EMP1: variants seen among roughly 807,000 people sequenced by gnomAD.
EMP1 encodes epithelial membrane protein 1.
Under a neutral mutation model 15.7 loss-of-function variants are expected in EMP1, and 5 were observed. The observed-to-expected ratio is 0.32, with a 90% CI of 0.17 to 0.67. The LOEUF is 0.67. Ranked by LOEUF, EMP1 falls within the 30% of genes least tolerant of loss-of-function variation. EMP1 has a pLI of 0.74. For missense variants in EMP1, 166 were observed against 194.2 expected, an observed-to-expected ratio of 0.85 and a Z score of 0.86; for synonymous variants, 78 against 76.7, an observed-to-expected ratio of 1.02 and a Z score of -0.09.
chr12:13,199,067 C>G (rs1239598278), intron 1 of EMP1: 1 of 152,350 alleles, frequency 6.6e-6, no homozygotes, highest in Admixed American at 6.5e-5. Flanking sequence ...GGTCAGAGGG[C>G]CCCCCACATT....
In EMP1 at chr12:13,215,920, G is replaced by C. The variant is rs1864211044; in HGVS notation, c.*1229G>C. Reference sequence around the variant, plus strand: ...CAGCCATGATAAGAACAGAGTGCCTGCATTCCCAGGAAAATACGAAAATCC... The same window carrying C: ...CAGCCATGATAAGAACAGAGTGCCTCCATTCCCAGGAAAATACGAAAATCC... On this transcript the variant is annotated 3_prime_UTR_variant, in exon 5 of 5. Transcript: ENST00000256951. 1 of 162,248 alleles carries C rather than the reference G, an allele frequency of 6.2e-6. No individual in the cohort carries two copies. Among genetic ancestry groups the C allele is most frequent in the Non-Finnish European group, 1.4e-5 (1 of 73,698 alleles). The allele number at this position is 162,248 out of a possible 1,614,324, so 10.1% of individuals were successfully genotyped here.
chr12:13,211,934 G>A lies in EMP1; in HGVS notation c.78+346G>A. 3.5e-6 allele frequency: 1 copy of A among 289,824 alleles called. No individual in the cohort carries two copies. The highest frequency in any genetic ancestry group is 6.5e-6 in the Non-Finnish European group (1 of 153,282). The allele number at this position is 289,824 out of a possible 1,614,324, so 18.0% of individuals were successfully genotyped here. A position where few individuals can be genotyped will look rare whatever the true frequency, so the allele number is the denominator to read the frequency against. Reference sequence around the variant, plus strand: ...GGCTGAGGTTTCTCTTAGTGAAAGAGGGAAGGTGGAAGGATCATAGGGATG... The same window carrying A: ...GGCTGAGGTTTCTCTTAGTGAAAGAAGGAAGGTGGAAGGATCATAGGGATG... On this transcript the variant is annotated intron_variant, in intron 2 of 4. Transcript: ENST00000256951. This position sits in a 1 kb window ranked among gnomAD's most constrained non-coding sequence, Gnocchi z 4.7.
intron 1 of EMP1, among the ~76,000 whole-genome samples, chr12:13,200,943 G>A (rs1864059967): frequency 6.6e-6 from 1 of 152,204 alleles, no homozygotes. Context: ...AAACTAGAGA[G>A]CCCTTTCAGC....
At chr12:13,201,897 G>A (rs997254171) in intron 1 of EMP1, among the ~76,000 whole-genome samples, 1 of 151,946 alleles carries the variant, frequency 6.6e-6, no homozygotes, top group Non-Finnish European at 1.5e-5. Flanking sequence ...CTTGAGGAGG[G>A]AGACCCTGCA....
chr12:13,208,228 T>C (rs956555349), intron 1 of EMP1, among the ~76,000 whole-genome samples: 1 of 152,218 alleles, frequency 6.6e-6, no homozygotes, highest in African/African-American at 2.4e-5. Flanking sequence ...GGGCAGAGAA[T>C]GAATCTCCCC....
chr12:13,201,508 C>A (rs986605195), intron 1 of EMP1, among the ~76,000 whole-genome samples: 1 of 152,152 alleles, frequency 6.6e-6, no homozygotes, highest in Non-Finnish European at 1.5e-5. Context: ...ATATCCCTTG[C>A]GCTGATGCTA....
chr12:13,208,084 A>G lies in EMP1; in HGVS notation c.-42-3385A>G, dbSNP rs1434934589. 3.9e-5 allele frequency among the ~76,000 whole-genome samples: 6 copies of G among 152,232 alleles called. No homozygotes were observed. In the East Asian group the frequency reaches 1.2e-3, roughly 29 times the overall value. On this transcript the variant is annotated intron_variant, in intron 1 of 4. Coordinates refer to ENST00000256951, the MANE Select transcript of EMP1 (RefSeq NM_001423.3). ...ACCCATATCATTTTAGAGAGGGCTG[A>G]GGGAGAAGTCTACTATTGTTTTAGT...
chr12:13,214,604 C>G lies in EMP1; in HGVS notation c.387C>G (p.His129Gln). ...HYANRDGTQY[H>Q]HGYSYILGWI... The stretch of plus-strand genomic sequence containing the variant: ...CGAATCGTGATGGAACGCAGTATCA[C>G]CACGGCTATTCCTACATCCTGGGCT... Residue 129 changes from histidine to glutamine, a missense_variant, in exon 5 of 5, where the codon CAC becomes CAG. Physicochemically the swap from His to Gln is conservative, Grantham distance 24 (BLOSUM62 0). Transcript: ENST00000256951. 6.2e-7 allele frequency: 1 copy of G among 1,614,020 alleles called. No individual in the cohort carries two copies. The highest frequency in any genetic ancestry group is 8.5e-7 in the Non-Finnish European group (1 of 1,180,014).
intron 1 of EMP1, among the ~76,000 whole-genome samples, chr12:13,205,750 ACTG>A (rs1864105843): frequency 6.6e-6 from 1 of 152,246 alleles, no homozygotes; most frequent in African/African-American, 2.4e-5. Context: ...AGAAAAGAAA[ACTG>A]CTCCTAACCT....
chr12:13,204,382 C>T (rs994887038), intron 1 of EMP1, among the ~76,000 whole-genome samples: 3 of 152,140 alleles, frequency 2.0e-5, no homozygotes, highest in South Asian at 2.1e-4. Flanking sequence ...GCCTTTAATC[C>T]CAGTCTTTTC....
intron 1 of EMP1, among the ~76,000 whole-genome samples, chr12:13,204,683 C>T (rs965245278): frequency 1.3e-5 from 2 of 152,190 alleles, no homozygotes; most frequent in African/African-American, 4.8e-5. Flanking sequence ...TGACCAGAAG[C>T]GGCTACGCCT....
chr12:13,208,596 A>G (rs536865159), intron 1 of EMP1, among the ~76,000 whole-genome samples: 49 of 152,354 alleles, frequency 3.2e-4, no homozygotes, highest in African/African-American at 1.2e-3. Flanking sequence ...GGCCAGTGAA[A>G]AGATGGAGAA....
At chr12:13,204,689 C>T (rs1003658424) in intron 1 of EMP1, among the ~76,000 whole-genome samples, 4 of 152,210 alleles carry the variant, frequency 2.6e-5, no homozygotes, top group Non-Finnish European at 5.9e-5. Context: ...GAAGCGGCTA[C>T]GCCTCTCTCT....
At chr12:13,198,056 T>G (rs1169456752) in intron 1 of EMP1, among the ~76,000 whole-genome samples, 2 of 152,192 alleles carry the variant, frequency 1.3e-5, no homozygotes, top group African/African-American at 4.8e-5. Context: ...AAGAGCTGCC[T>G]TTCAGTGCTG....
rs200278584 is a variant in EMP1, at chr12:13,213,543, G to A, written c.143G>A (p.Ser48Asn). Residue 48 changes from serine to asparagine, a missense_variant, in exon 3 of 5, where the codon AGC (serine) becomes AAC (asparagine). Transcript: ENST00000256951. ...VGLWKNCTNISCSDSLSYASE... is the reference protein window; with the variant it reads ...VGLWKNCTNINCSDSLSYASE... ...CTTTGGAAAAACTGTACCAACATTA[G>A]CTGCAGTGACAGCCTGTCATATGCC... The A allele has an allele frequency of 6.2e-7, 1 of 1,614,180 alleles. No individual in the cohort carries two copies. The highest frequency in any genetic ancestry group is 2.2e-5 in the East Asian group (1 of 44,886).
intron 1 of EMP1, among the ~76,000 whole-genome samples, chr12:13,210,639 T>C (rs1276878783): frequency 6.6e-6 from 1 of 152,260 alleles, no homozygotes; most frequent in Non-Finnish European, 1.5e-5. Context: ...GTAAATGTCA[T>C]GTACAAGGAG....
Position 13,215,184 on chromosome 12 carries a change from T to C in EMP1, c.*493T>C, listed in dbSNP as rs1044645162. The C allele has an allele frequency of 6.4e-6, 1 of 156,042 alleles. No homozygotes were observed. The highest frequency in any genetic ancestry group is 3.3e-3 in the Middle Eastern group (1 of 304). 9.7% of individuals were successfully genotyped at this position (156,042 alleles called of 1,614,324 possible). ...TCACATTCCAGTCTGAAGTGCCTAC[T>C]GGGGGGCTTTGGCCTGTGAGCCATT... On this transcript the variant is annotated 3_prime_UTR_variant, in exon 5 of 5. Transcript: ENST00000256951.
intron 4 of EMP1, chr12:13,214,099 A>G (rs1299582993): frequency 1.1e-5 from 7 of 623,278 alleles, no homozygotes; most frequent in Non-Finnish European, 2.0e-5. Context: ...AAGAAGGCAG[A>G]AAGGTAGGAG....
chr12:13,202,726 C>T (rs1261416015), intron 1 of EMP1, among the ~76,000 whole-genome samples: 1 of 152,126 alleles, frequency 6.6e-6, no homozygotes, highest in Non-Finnish European at 1.5e-5. Flanking sequence ...CAGGGAGAAG[C>T]AGTGGCCTCG....
Sources: gnomAD v4.1 joint callset for allele counts (sites outside exome capture counted in the v4.1 genomes callset) on GRCh38, gnomAD v4.1.1 for gene constraint, Gnocchi (gnomAD v3.1) non-coding constraint, MANE v1.5 for transcripts, NCBI Gene and HGNC (gene_info 2026-07-23, HGNC 2026-07-21) for gene names.